BTBD9: variants seen among roughly 807,000 people sequenced by gnomAD.
BTBD9 encodes the protein BTB/POZ domain-containing protein 9.
A neutral mutation model predicts 64.3 loss-of-function variants in BTBD9; 49 were observed. The observed-to-expected ratio is 0.76, with a 90% confidence interval of 0.61 to 0.97. The LOEUF is 0.97. Ranked by LOEUF, BTBD9 falls within the 50% of genes least tolerant of loss-of-function variation. BTBD9 has a pLI of 0.00. For synonymous variants in BTBD9, 260 were observed against 274.7 expected, an observed-to-expected ratio of 0.95 and a Z score of 0.53; for missense variants, 598 against 762.1, an observed-to-expected ratio of 0.78 and a Z score of 2.53.
Position 38,565,088 on chromosome 6 carries a change from T to A in BTBD9, c.1154+12512A>T, listed in dbSNP as rs185505064. 1.3e-3 allele frequency among the ~76,000 whole-genome samples: 191 copies of A among 152,304 alleles called. 1 individual carries two copies. The highest frequency in any genetic ancestry group is 4.0e-3 in the African/African-American group (165 of 41,556). On this transcript the variant is annotated intron_variant, in intron 6 of 10. Coordinates refer to ENST00000481247, the MANE Select transcript of BTBD9 (RefSeq NM_001099272.2). ...TCTAAACTTCAAAATTCTTCTTGAT[T>A]TTTTTTCTCCATATTCAATCAATCA...
intron 5 of BTBD9, 152 bp from the exon 6 acceptor site, chr6:38,577,871 T>C (rs2127473269): frequency 4.1e-6 from 3 of 735,824 alleles, no homozygotes; most frequent in African/African-American, 1.8e-5. Context: ...AAGAATGTTA[T>C]GATAGCATTC....
chr6:38,559,851 G>A (rs1473821000), intron 6 of BTBD9, among the ~76,000 whole-genome samples: 1 of 152,162 alleles, frequency 6.6e-6, no homozygotes, highest in Non-Finnish European at 1.5e-5. Flanking sequence ...TTAATAAACA[G>A]TGCTGGGATA....
At chr6:38,361,768 A>G (rs1764972061) in intron 6 of BTBD9, among the ~76,000 whole-genome samples, 1 of 151,214 alleles carries the variant, frequency 6.6e-6, no homozygotes, top group East Asian at 2.0e-4. Flanking sequence ...TGAACCCAGG[A>G]GGCAGAATTT....
intron 8 of BTBD9, among the ~76,000 whole-genome samples, chr6:38,276,763 C>CT (rs977860369): frequency 2.0e-5 from 3 of 152,022 alleles, no homozygotes; most frequent in African/African-American, 7.2e-5. Context: ...AGTAAGAGGT[C>CT]TTTTTTTAAA....
intron 4 of BTBD9, among the ~76,000 whole-genome samples, chr6:38,582,673 G>A (rs1376549899): frequency 1.3e-5 from 2 of 152,044 alleles, no homozygotes; most frequent in African/African-American, 2.4e-5. Context: ...ATGATATAGG[G>A]GAAAAAAATG....
intron 6 of BTBD9, among the ~76,000 whole-genome samples, chr6:38,465,396 T>A (rs1449073947): frequency 1.4e-5 from 2 of 145,138 alleles, no homozygotes; most frequent in Non-Finnish European, 1.5e-5. Context: ...GGCAGGCAGA[T>A]CACGAGGTCA....
chr6:38,368,776 C>G (rs1019795098), intron 6 of BTBD9, among the ~76,000 whole-genome samples: 8 of 152,178 alleles, frequency 5.3e-5, no homozygotes, highest in Non-Finnish European at 7.3e-5. Context: ...CCATGGCCCT[C>G]AGGCTAAGGG....
At chr6:38,414,701 T>A (rs1767587475) in intron 6 of BTBD9, among the ~76,000 whole-genome samples, 1 of 152,172 alleles carries the variant, frequency 6.6e-6, no homozygotes, top group African/African-American at 2.4e-5. Context: ...ACTACCCCAT[T>A]CTTCTGTGAT....
intron 6 of BTBD9, among the ~76,000 whole-genome samples, chr6:38,540,907 G>A (rs1774238817): frequency 1.3e-5 from 2 of 152,134 alleles, no homozygotes; most frequent in Admixed American, 6.5e-5. Flanking sequence ...CTCATGCTGC[G>A]TTCTATGATG....
rs189393829 is a variant in BTBD9 at position 38,585,508 on chromosome 6, C to T, written c.815-5071G>A. The stretch of plus-strand genomic sequence containing the variant: ...AAAATTTTTTAGAGACTGCATCTCA[C>T]TATATTGCCCAGGCTGATCTTGAAC... On this transcript the variant is annotated intron_variant, in intron 4 of 10. Transcript: ENST00000481247. Among the ~76,000 whole-genome samples the T allele has an allele frequency of 1.8e-3, 268 of 152,274 alleles. 1 individual carries two copies. Among genetic ancestry groups the T allele is most frequent in the African/African-American group, 5.9e-3 (245 of 41,546 alleles).
intron 8 of BTBD9, among the ~76,000 whole-genome samples, chr6:38,283,079 G>A (rs922032033): frequency 3.9e-4 from 60 of 152,212 alleles, no homozygotes; most frequent in Admixed American, 2.0e-3. Context: ...ATAGAGAGAG[G>A]GTCAGAGATC....
chr6:38,562,644 A>G (rs1775310042), intron 6 of BTBD9, among the ~76,000 whole-genome samples: 1 of 152,186 alleles, frequency 6.6e-6, no homozygotes. Flanking sequence ...TTTATTGACA[A>G]AAGAAGTATC....
At position 38,232,758 on chromosome 6, in the gene BTBD9, C is replaced by T. The variant is rs145358888; in HGVS notation, c.1562+23651G>A. On this transcript the variant is annotated intron_variant, in intron 9 of 10. Coordinates refer to ENST00000481247, the MANE Select transcript of BTBD9 (RefSeq NM_001099272.2). ...AAGCGATCTTCCCACCTCAGCCTCC[C>T]AAGTAGCTAAGATTACAGGCGTGCA... Among the ~76,000 whole-genome samples the T allele has an allele frequency of 3.3e-5, 5 of 152,072 alleles. 1 individual carries two copies. The East Asian group carries it at 9.7e-4, about 29-fold the overall frequency.
intron 1 of BTBD9, among the ~76,000 whole-genome samples, chr6:38,626,164 T>G (rs1418151305): frequency 6.6e-6 from 1 of 152,232 alleles, no homozygotes; most frequent in African/African-American, 2.4e-5. Flanking sequence ...AAAAATTTTA[T>G]TATTTAATTT....
At chr6:38,411,320 A>G (rs908988658) in intron 6 of BTBD9, among the ~76,000 whole-genome samples, 1 of 152,244 alleles carries the variant, frequency 6.6e-6, no homozygotes, top group African/African-American at 2.4e-5. Flanking sequence ...CTCTATAAAT[A>G]AAATAATGTA....
intron 1 of BTBD9, among the ~76,000 whole-genome samples, chr6:38,635,941 CCA>C (rs1370901235): frequency 6.6e-6 from 1 of 152,120 alleles, no homozygotes; most frequent in Non-Finnish European, 1.5e-5. Context: ...GTTCCATTCA[CCA>C]TCTTTTCCAG....
chr6:38,463,966 G>A (rs1227530793), intron 6 of BTBD9, among the ~76,000 whole-genome samples: 1 of 152,076 alleles, frequency 6.6e-6, no homozygotes, highest in African/African-American at 2.4e-5. Flanking sequence ...GGAGATGCAG[G>A]GGTTGCAGTG....
At chr6:38,416,102 T>C (rs943282636) in intron 6 of BTBD9, among the ~76,000 whole-genome samples, 4 of 152,140 alleles carry the variant, frequency 2.6e-5, no homozygotes, top group Non-Finnish European at 4.4e-5. Flanking sequence ...AAGTACTCTA[T>C]GAGACTGGAG....
chr6:38,374,042 A>C (rs1275018685), intron 6 of BTBD9, among the ~76,000 whole-genome samples: 1 of 151,470 alleles, frequency 6.6e-6, no homozygotes, highest in Non-Finnish European at 1.5e-5. Context: ...AGGCCAAGGC[A>C]GGCAGATCAC....
Sources: allele counts gnomAD v4.1 joint callset (sites outside exome capture counted in the v4.1 genomes callset), GRCh38; gene constraint gnomAD v4.1.1; transcripts MANE v1.5; gene names NCBI Gene and HGNC (gene_info 2026-07-23, HGNC 2026-07-21).